SEM1: variants seen among roughly 807,000 people sequenced by gnomAD.
SEM1 encodes SEM1 26S proteasome subunit.
A neutral mutation model predicts 12.7 loss-of-function variants in SEM1; 3 were observed. The ratio of observed to expected loss-of-function variants is 0.24; its 90% CI spans 0.11 to 0.61. The LOEUF is 0.61. Ranked by LOEUF, SEM1 falls within the 20% of genes least tolerant of loss-of-function variation. The pLI, the probability that SEM1 is intolerant of heterozygous loss-of-function variation, is 0.88. For missense variants in SEM1, 59 were observed against 81.3 expected (o/e 0.73, Z 1.06); for synonymous variants, 30 against 27.8 (o/e 1.08, Z -0.25).
At chr7:96,610,769 C>T (rs1807515665) in intron 2 of SEM1, among the ~76,000 whole-genome samples, 1 of 152,136 alleles carries the variant, frequency 6.6e-6, no homozygotes, top group Admixed American at 6.5e-5. Context: ...AGCCTGGGGG[C>T]AGTAGGAGAT....
At chr7:96,529,225 AG>A (rs1563047869) in intron 2 of SEM1, among the ~76,000 whole-genome samples, 1 of 152,132 alleles carries the variant, frequency 6.6e-6, no homozygotes, top group Admixed American at 6.6e-5. Flanking sequence ...AGAAGACAAA[AG>A]AAAAAAGAAA....
At chr7:96,654,576 C>T (rs1809116951) in intron 2 of SEM1, among the ~76,000 whole-genome samples, 1 of 152,160 alleles carries the variant, frequency 6.6e-6, no homozygotes, top group South Asian at 2.1e-4. Flanking sequence ...GGAGGGTGAG[C>T]AAATGCTACT....
intron 1 of SEM1, among the ~76,000 whole-genome samples, chr7:96,704,022 A>G (rs1236391144): frequency 7.0e-6 from 1 of 142,820 alleles, no homozygotes; most frequent in Non-Finnish European, 1.6e-5. Context: ...TACATAAAAG[A>G]ACCAAAGAAA....
chr7:96,609,844 A>C (rs998993913), intron 2 of SEM1, among the ~76,000 whole-genome samples: 1 of 152,210 alleles, frequency 6.6e-6, no homozygotes, highest in African/African-American at 2.4e-5. Flanking sequence ...ATGGTGAAAG[A>C]TGAGATGTGC....
intron 2 of SEM1, among the ~76,000 whole-genome samples, chr7:96,514,152 T>C (rs983053568): frequency 9.9e-5 from 15 of 152,200 alleles, no homozygotes; most frequent in Admixed American, 6.6e-4. Context: ...AGAAAGATTA[T>C]AGAAGTGGAA....
chr7:96,635,820 A>C (rs1327699713), intron 2 of SEM1, among the ~76,000 whole-genome samples: 1 of 152,114 alleles, frequency 6.6e-6, no homozygotes, highest in African/African-American at 2.4e-5. Flanking sequence ...AATTTGCTAA[A>C]ATCAGTTCAA....
At chr7:96,679,155 A>G (rs1789531217) in intron 2 of SEM1, among the ~76,000 whole-genome samples, 1 of 152,104 alleles carries the variant, frequency 6.6e-6, no homozygotes, top group South Asian at 2.1e-4. Flanking sequence ...TAATCACCAA[A>G]GAAGTAATTG....
chr7:96,536,014 T>C (rs574827956), intron 2 of SEM1, among the ~76,000 whole-genome samples: 1 of 152,042 alleles, frequency 6.6e-6, no homozygotes, highest in South Asian at 2.1e-4. Flanking sequence ...GTTCTGTTTT[T>C]AGTTCTTTGA....
At chr7:96,546,241 A>T (rs1805099072) in intron 2 of SEM1, among the ~76,000 whole-genome samples, 2 of 152,118 alleles carry the variant, frequency 1.3e-5, no homozygotes. Flanking sequence ...GAATAAGATG[A>T]TTCCTGTCTT....
intron 2 of SEM1, among the ~76,000 whole-genome samples, chr7:96,644,038 C>G (rs1808707527): frequency 6.6e-6 from 1 of 151,988 alleles, no homozygotes. Context: ...AACTTTACCT[C>G]CAAGGATGTA....
At chr7:96,524,553 A>G (rs1194388189) in intron 2 of SEM1, among the ~76,000 whole-genome samples, 1 of 152,112 alleles carries the variant, frequency 6.6e-6, no homozygotes, top group Non-Finnish European at 1.5e-5. Context: ...TTCATATATC[A>G]TTTCAAATTT....
chr7:96,645,996 A>G (rs1219481446), intron 2 of SEM1: 9 of 396,964 alleles, frequency 2.3e-5, no homozygotes, highest in Non-Finnish European at 3.6e-5. Flanking sequence ...TCTTTCATAC[A>G]TTATGTTTCA....
downstream of SEM1, among the ~76,000 whole-genome samples, chr7:96,684,329 C>T (rs1214042426): frequency 1.3e-5 from 2 of 152,058 alleles, no homozygotes; most frequent in African/African-American, 4.8e-5. Flanking sequence ...TCCTTGTATC[C>T]AATCACTTGT....
At chr7:96,623,448 TATTA>T (rs1160756739) in intron 2 of SEM1, among the ~76,000 whole-genome samples, 4 of 147,560 alleles carry the variant, frequency 2.7e-5, no homozygotes, top group Non-Finnish European at 6.0e-5. Flanking sequence ...ATTTAAATTA[TATTA>T]ATTTATATAA....
chr7:96,558,916 T>G (rs1805612351), intron 2 of SEM1, among the ~76,000 whole-genome samples: 1 of 152,230 alleles, frequency 6.6e-6, no homozygotes, highest in Non-Finnish European at 1.5e-5. Flanking sequence ...TAATATTGGG[T>G]AAGTCACTTA....
At chr7:96,498,528 G>A (rs1196904552), upstream of SEM1, among the ~76,000 whole-genome samples, 1 of 152,182 alleles carries the variant, frequency 6.6e-6, no homozygotes, top group Admixed American at 6.5e-5. Flanking sequence ...AGATACGACA[G>A]AGATGAATTG....
At chr7:96,524,480 T>C (rs1460300873) in intron 2 of SEM1, among the ~76,000 whole-genome samples, 1 of 152,108 alleles carries the variant, frequency 6.6e-6, no homozygotes, top group Non-Finnish European at 1.5e-5. Flanking sequence ...AACGTATAGC[T>C]AATAGCTACT....
At chr7:96,673,831 A>G (rs757408761) in exon 3 of SEM1, 1 of 765,232 alleles carries the variant, frequency 1.3e-6, no homozygotes, top group Non-Finnish European at 2.4e-6. Flanking sequence ...GGGGTTTCAC[A>G]GACCAATATC....
At chr7:96,486,480 G>C in intron 1 of SEM1, 2 of 1,334,124 alleles carry the variant, frequency 1.5e-6, no homozygotes, top group Non-Finnish European at 2.1e-6. Context: ...GAGGAGGCGG[G>C]CACCTGTTCC....
Sources: gnomAD v4.1 joint callset for allele counts (sites outside exome capture counted in the v4.1 genomes callset) on GRCh38, gnomAD v4.1.1 for gene constraint, MANE v1.5 for transcripts, NCBI Gene and HGNC (gene_info 2026-07-23, HGNC 2026-07-21) for gene names.